Variants in SPATA32 observed in about 807,000 individuals in gnomAD.
SPATA32 encodes the protein spermatogenesis-associated protein 32.
SPATA32 carries 28 observed loss-of-function variants against 35.4 expected under a neutral mutation model. The observed-to-expected ratio is 0.79, with a 90% CI of 0.59 to 1.09. SPATA32 has a LOEUF of 1.09. Ranked by LOEUF, SPATA32 falls within the 50% of genes least tolerant of loss-of-function variation. SPATA32 has a pLI of 0.00. For missense variants in SPATA32, 409 were observed against 475.9 expected (o/e 0.86, Z 1.31); for synonymous variants, 168 against 196.3 (o/e 0.86, Z 1.20).
intron 1 of SPATA32, among the ~76,000 whole-genome samples, chr17:45,259,488 A>G (rs1293498012): frequency 6.6e-6 from 1 of 152,096 alleles, no homozygotes; most frequent in Non-Finnish European, 1.5e-5. Context: ...ATATTATTTG[A>G]GTGATAATTC....
rs1250395074 is a variant in SPATA32, at chr17:45,255,638, C to T, written c.544G>A (p.Gly182Ser). The change falls in exon 4 of 5, where the codon GGC becomes AGC. Residue 182 changes from glycine (G) to serine (S), a missense_variant. Transcript: ENST00000331780. This position sits in a 1 kb window ranked among gnomAD's most constrained non-coding sequence, Gnocchi z 5.4. ...GATCTGATGGGCTGGCCTGCGCTGCCATTGTTGAGCTGCATGTTGATGGCC... is the reference window on the plus strand; with the variant it reads ...GATCTGATGGGCTGGCCTGCGCTGCTATTGTTGAGCTGCATGTTGATGGCC... ...QRAINMQLNN[G>S]SAGQPIRSPL... 3.7e-6 allele frequency: 6 copies of T among 1,613,978 alleles called. No individual in the cohort carries two copies. Among genetic ancestry groups the T allele is most frequent in the Non-Finnish European group, 4.2e-6 (5 of 1,180,034 alleles).
At chr17:45,259,768 C>CTTG (rs1340081570) in intron 1 of SPATA32, 3 of 152,092 alleles carry the variant, frequency 2.0e-5, no homozygotes, top group Non-Finnish European at 4.4e-5. Flanking sequence ...ATCCACCTGC[C>CTTG]GTGGCCTCCC....
rs375850119 is a variant in SPATA32 at position 45,256,351 on chromosome 17, C to T, written c.108+25G>A. The T allele has an allele frequency of 1.9e-5, 30 of 1,611,310 alleles. No individual in the cohort carries two copies. The highest frequency in any genetic ancestry group is 4.4e-5 in the South Asian group (4 of 91,024). On this transcript the variant is annotated intron_variant, in intron 3 of 4. Transcript: ENST00000331780. The surrounding 1 kb of genome is among the most constrained non-coding windows in gnomAD (Gnocchi z 4.7). ...CCCTGCCGCTTGCCTACCACCTCCCCGTAAGAGGACACTCCCATTTTTACC... is the reference window on the plus strand; with the variant it reads ...CCCTGCCGCTTGCCTACCACCTCCCTGTAAGAGGACACTCCCATTTTTACC...
In SPATA32 at chr17:45,255,863, A is replaced by G. The variant is rs764385407; in HGVS notation, c.319T>C (p.Cys107Arg). ...TTGGAGTGGACGGACTCTATCTTGC[A>G]TACCAGCTGCATGGGTTCTTCAAAG... ...SDFEEPMQLV[C>R]KIESVHSNMG... Residue 107 changes from cysteine (C) to arginine (R), a missense_variant, in exon 4 of 5, where the codon TGC (cysteine) becomes CGC (arginine). Physicochemically the swap from Cys to Arg is radical, Grantham distance 180. Coordinates refer to ENST00000331780, the MANE Select transcript of SPATA32 (RefSeq NM_152343.3). The surrounding 1 kb of genome is among the most constrained non-coding windows in gnomAD (Gnocchi z 5.4). The G allele has an allele frequency of 2.5e-6, 4 of 1,614,140 alleles. No homozygotes were observed. The South Asian group carries it at 4.4e-5, about 18-fold the overall frequency.
intron 1 of SPATA32, among the ~76,000 whole-genome samples, chr17:45,259,553 G>T (rs890927076): frequency 1.3e-5 from 2 of 151,080 alleles, no homozygotes; most frequent in African/African-American, 4.9e-5. Context: ...TTTGAGACAG[G>T]GTCTCACTCT....
rs775286505 is a variant in SPATA32, at chr17:45,256,453, G to C, written c.69-38C>G. On this transcript the variant is annotated intron_variant, in intron 2 of 4. Coordinates refer to ENST00000331780, the MANE Select transcript of SPATA32 (RefSeq NM_152343.3). The surrounding 1 kb of genome is among the most constrained non-coding windows in gnomAD (Gnocchi z 4.7). ...AAGACAGAGTGGGTGATGGGGATCT[G>C]TGGGGCTTCAGCGGGAAGGGGGTTT... The C allele has an allele frequency of 2.5e-6, 4 of 1,591,152 alleles. No homozygotes were observed. The South Asian group carries it at 3.3e-5, about 13-fold the overall frequency.
rs1272224465 is a variant in SPATA32 at position 45,256,705 on chromosome 17, AT to A, written c.69-291del. 6.6e-6 allele frequency among the ~76,000 whole-genome samples: 1 copy of A among 152,056 alleles called. No homozygotes were observed. The highest frequency in any genetic ancestry group is 1.9e-4 in the East Asian group (1 of 5,194). On this transcript the variant is annotated intron_variant, in intron 2 of 4. Coordinates refer to ENST00000331780, the MANE Select transcript of SPATA32 (RefSeq NM_152343.3). This position sits in a 1 kb window ranked among gnomAD's most constrained non-coding sequence, Gnocchi z 4.7. Reference sequence around the variant, plus strand: ...GTTGGAGGTAAGGCCCAGGAATCTCATTTTTATCAAGCACTGCAGGTGAGCT... The same window carrying A: ...GTTGGAGGTAAGGCCCAGGAATCTCATTTTATCAAGCACTGCAGGTGAGCT...
intron 1 of SPATA32, among the ~76,000 whole-genome samples, chr17:45,261,506 G>T (rs1279834844): frequency 6.6e-6 from 1 of 152,172 alleles, no homozygotes; most frequent in Non-Finnish European, 1.5e-5. Flanking sequence ...CAGGGCACTG[G>T]GGGCAAACAT....
At chr17:45,258,487 CAGG>C (rs771415269) in intron 1 of SPATA32, among the ~76,000 whole-genome samples, 1 of 152,140 alleles carries the variant, frequency 6.6e-6, no homozygotes, top group Non-Finnish European at 1.5e-5. Flanking sequence ...TGGGTATGGA[CAGG>C]AGAAGAAATT....
chr17:45,255,002 C>A lies in SPATA32; in HGVS notation c.1067+113G>T. 1 of 1,041,296 alleles carries A rather than the reference C, an allele frequency of 9.6e-7. No individual in the cohort carries two copies. Among genetic ancestry groups the A allele is most frequent in the South Asian group, 1.5e-5 (1 of 64,970 alleles). 64.5% of individuals were successfully genotyped at this position (1,041,296 alleles called of 1,614,324 possible). ...GTGGAGGCGTCACAGCCCACCACATCCTGCTCCCAGGCCCTCATTCCACTG... is the reference window on the plus strand; with the variant it reads ...GTGGAGGCGTCACAGCCCACCACATACTGCTCCCAGGCCCTCATTCCACTG... On this transcript the variant is annotated intron_variant, in intron 4 of 4. Coordinates refer to ENST00000331780, the MANE Select transcript of SPATA32 (RefSeq NM_152343.3). The surrounding 1 kb of genome is among the most constrained non-coding windows in gnomAD (Gnocchi z 5.4).
chr17:45,259,919 G>A (rs1410158655), intron 1 of SPATA32: 2 of 151,974 alleles, frequency 1.3e-5, no homozygotes, highest in Non-Finnish European at 2.9e-5. Flanking sequence ...GAATCTGATT[G>A]GCTTTTTTTC....
chr17:45,254,597 G>A, intron 4 of SPATA32, 84 bp from the exon 5 acceptor site: 1 of 1,229,862 alleles, frequency 8.1e-7, no homozygotes, highest in Non-Finnish European at 1.2e-6. Flanking sequence ...CTCTGAAGAG[G>A]TCGCTGGGGG....
rs755969510 is a variant in SPATA32 at position 45,255,805 on chromosome 17, G to T, written c.377C>A (p.Pro126Gln). Residue 126 changes from proline (P) to glutamine (Q), a missense_variant, in exon 4 of 5, where the codon CCG becomes CAG. Coordinates refer to ENST00000331780, the MANE Select transcript of SPATA32 (RefSeq NM_152343.3). This position sits in a 1 kb window ranked among gnomAD's most constrained non-coding sequence, Gnocchi z 5.4. ...CCGGCAGTTTGAATTCAGACTCCAC[G>T]GTCTGAAGGTCTGTGGCGTGGGCAG... Reference protein sequence around the residue: ...MGLPTPQTFRPWSLNSNCRSF... With the variant: ...MGLPTPQTFRQWSLNSNCRSF... The T allele has an allele frequency of 7.4e-6, 12 of 1,614,024 alleles. No individual in the cohort carries two copies. The East Asian group carries it at 2.7e-4, about 36-fold the overall frequency.
intron 1 of SPATA32, among the ~76,000 whole-genome samples, chr17:45,259,549 A>T (rs542385415): frequency 6.6e-6 from 1 of 151,890 alleles, no homozygotes; most frequent in South Asian, 2.1e-4. Context: ...TTTTTTTGAG[A>T]CAGGGTCTCA....
chr17:45,261,920 C>A, intron 1 of SPATA32, 84 bp downstream of exon 1: 1 of 1,256,514 alleles, frequency 8.0e-7, no homozygotes, highest in Non-Finnish European at 1.0e-6. Flanking sequence ...GATTCCTGAC[C>A]GCCCCCTTCG....
Position 45,255,011 on chromosome 17 carries a change from A to G in SPATA32, c.1067+104T>C, listed in dbSNP as rs2043942119. 1.2e-5 allele frequency: 13 copies of G among 1,109,746 alleles called. No individual in the cohort carries two copies. The highest frequency in any genetic ancestry group is 1.7e-5 in the Non-Finnish European group (13 of 766,658). The allele number at this position is 1,109,746 out of a possible 1,614,324, so 68.7% of individuals were successfully genotyped here. A position where few individuals can be genotyped will look rare whatever the true frequency, so the allele number is the denominator to read the frequency against. ...TCACAGCCCACCACATCCTGCTCCC[A>G]GGCCCTCATTCCACTGTTCCCCACC... is the stretch of plus-strand genomic sequence containing the variant. On this transcript the variant is annotated intron_variant, in intron 4 of 4. Transcript: ENST00000331780. The surrounding 1 kb of genome is among the most constrained non-coding windows in gnomAD (Gnocchi z 5.4).
intron 1 of SPATA32, chr17:45,261,752 C>G (rs7217153): frequency 0.021 from 8,485 of 400,488 alleles, 653 homozygotes; most frequent in African/African-American, 0.16. Flanking sequence ...AGTCCCTACT[C>G]CAAGGCGCGC....
chr17:45,258,471 G>C (rs139518220), intron 1 of SPATA32, among the ~76,000 whole-genome samples: 1 of 152,070 alleles, frequency 6.6e-6, no homozygotes, highest in African/African-American at 2.4e-5. Flanking sequence ...CTCCATAAAC[G>C]GCAGCTGGGT....
In SPATA32 at chr17:45,256,975, G is replaced by GA. The variant is rs2043963837; in HGVS notation, c.68+177_68+178insT. On this transcript the variant is annotated intron_variant, in intron 2 of 4. Transcript: ENST00000331780. This position sits in a 1 kb window ranked among gnomAD's most constrained non-coding sequence, Gnocchi z 4.7. Reference sequence around the variant, plus strand: ...AGGGGCTGAGGGCATAAACAGAAGTGGGAGGATAGGCGCCCCACGCCCTCC... The same window carrying GA: ...AGGGGCTGAGGGCATAAACAGAAGTGAGGAGGATAGGCGCCCCACGCCCTCC... Among the ~76,000 whole-genome samples the GA allele has an allele frequency of 6.6e-6, 1 of 152,186 alleles. No homozygotes were observed. Among genetic ancestry groups the GA allele is most frequent in the African/African-American group, 2.4e-5 (1 of 41,442 alleles).
Sources: allele counts gnomAD v4.1 joint callset (sites outside exome capture counted in the v4.1 genomes callset), GRCh38; gene constraint gnomAD v4.1.1; non-coding constraint Gnocchi (gnomAD v3.1); transcripts MANE v1.5; gene names NCBI Gene and HGNC (gene_info 2026-07-23, HGNC 2026-07-21).